Variants in GNA12 observed in about 807,000 individuals in gnomAD.
GNA12 encodes the protein guanine nucleotide-binding protein subunit alpha-12.
In GNA12, 9 loss-of-function variants were observed where a neutral mutation model predicts 26.0. The ratio of observed to expected loss-of-function variants is 0.35; its 90% CI spans 0.21 to 0.60. GNA12 has a LOEUF of 0.60. Ranked by LOEUF, GNA12 falls within the 20% of genes least tolerant of loss-of-function variation. The pLI is 0.78. For missense variants in GNA12, 405 were observed against 525.8 expected (o/e 0.77, Z 2.25); for synonymous variants, 264 against 219.6 (o/e 1.20, Z -1.79).
chr7:2,784,740 C>T (rs919789501), intron 2 of GNA12, among the ~76,000 whole-genome samples: 3 of 152,114 alleles, frequency 2.0e-5, no homozygotes, highest in Non-Finnish European at 4.4e-5. Context: ...TGTACTGATT[C>T]GCAAGCGCCC....
intron 2 of GNA12, among the ~76,000 whole-genome samples, chr7:2,790,312 C>T (rs957318911): frequency 1.3e-5 from 2 of 152,196 alleles, no homozygotes; most frequent in East Asian, 1.9e-4. Flanking sequence ...AGTGCAGTGG[C>T]GCGATCTCAG....
At chr7:2,842,664 G>A (rs920691559) in intron 1 of GNA12, among the ~76,000 whole-genome samples, 4 of 152,222 alleles carry the variant, frequency 2.6e-5, no homozygotes, top group Non-Finnish European at 5.9e-5. Context: ...GGAGAATCTG[G>A]AGATTCATTG....
intron 2 of GNA12, chr7:2,762,373 T>C: frequency 2.3e-6 from 1 of 437,640 alleles, no homozygotes; most frequent in South Asian, 5.0e-5. Flanking sequence ...AGACACGGTA[T>C]GGCGGTTCCC....
chr7:2,734,134 C>T (rs188821792), intron 2 of GNA12, among the ~76,000 whole-genome samples: 18 of 152,288 alleles, frequency 1.2e-4, no homozygotes, highest in Admixed American at 5.2e-4. Context: ...CAATCTGAGA[C>T]GTGTTCCATA....
intron 2 of GNA12, among the ~76,000 whole-genome samples, chr7:2,780,878 T>G (rs1421298281): frequency 1.3e-5 from 2 of 152,276 alleles, no homozygotes; most frequent in African/African-American, 4.8e-5. Context: ...GGATTGGGAT[T>G]ACTGAGCCAC....
chr7:2,828,635 G>A (rs1793535965), intron 1 of GNA12, among the ~76,000 whole-genome samples: 1 of 152,186 alleles, frequency 6.6e-6, no homozygotes, highest in African/African-American at 2.4e-5. Flanking sequence ...AGGACGCTAC[G>A]TTAAAACACC....
At chr7:2,834,054 CCT>C (rs1226073712) in intron 1 of GNA12, among the ~76,000 whole-genome samples, 1 of 152,232 alleles carries the variant, frequency 6.6e-6, no homozygotes, top group Non-Finnish European at 1.5e-5. Context: ...CAAACACTCC[CCT>C]GAAACCCTAC....
chr7:2,805,315 G>A lies in GNA12; in HGVS notation c.310-10172C>T, dbSNP rs564282032. The stretch of plus-strand genomic sequence containing the variant: ...TAGTCTTTATAAATAACTCTGCGAG[G>A]AATAGCATTATGCCCATTTTACAAA... On this transcript the variant is annotated intron_variant, in intron 1 of 3. Transcript: ENST00000275364. Among the ~76,000 whole-genome samples, 8 of 152,338 alleles carry A rather than the reference G, an allele frequency of 5.3e-5. No homozygotes were observed. The East Asian group carries it at 1.5e-3, about 29-fold the overall frequency.
intron 2 of GNA12, among the ~76,000 whole-genome samples, chr7:2,736,535 G>A (rs1790185914): frequency 6.6e-6 from 1 of 152,220 alleles, no homozygotes; most frequent in Admixed American, 6.5e-5. Context: ...TGAAAGAGGG[G>A]TTGTCTGTTT....
intron 2 of GNA12, among the ~76,000 whole-genome samples, chr7:2,774,550 G>A (rs1240585011): frequency 1.3e-5 from 2 of 152,232 alleles, no homozygotes; most frequent in Non-Finnish European, 2.9e-5. Flanking sequence ...TGACAGAGAG[G>A]AGGGGAGCAG....
intron 2 of GNA12, among the ~76,000 whole-genome samples, chr7:2,791,119 ATTTT>A (rs1792507153): frequency 6.6e-6 from 1 of 152,228 alleles, no homozygotes; most frequent in Non-Finnish European, 1.5e-5. Flanking sequence ...AAAATGCTAA[ATTTT>A]ATTTTATTAA....
intron 2 of GNA12, among the ~76,000 whole-genome samples, chr7:2,742,364 T>C (rs559390912): frequency 1.3e-5 from 2 of 151,886 alleles, no homozygotes; most frequent in South Asian, 2.1e-4. Flanking sequence ...GCCCTTGGGG[T>C]TTTTGCGATG....
chr7:2,787,644 G>A (rs535344378), intron 2 of GNA12, among the ~76,000 whole-genome samples: 1 of 152,344 alleles, frequency 6.6e-6, no homozygotes, highest in East Asian at 1.9e-4. Flanking sequence ...AAACAAGATA[G>A]GCTGAAGGCC....
intron 2 of GNA12, among the ~76,000 whole-genome samples, chr7:2,734,273 A>G (rs946665289): frequency 4.6e-5 from 7 of 152,218 alleles, no homozygotes; most frequent in Admixed American, 3.9e-4. Context: ...CAGCCCGCAT[A>G]TGAACAGGCA....
chr7:2,794,634 T>TA (rs969846743), intron 2 of GNA12: 143 of 387,542 alleles, frequency 3.7e-4, no homozygotes, highest in African/African-American at 1.7e-3. Flanking sequence ...ACAAGATCTC[T>TA]AAAAAAAACT....
chr7:2,757,664 G>C (rs1201010157), intron 2 of GNA12, among the ~76,000 whole-genome samples: 1 of 152,312 alleles, frequency 6.6e-6, no homozygotes, highest in Non-Finnish European at 1.5e-5. Context: ...GCCGTTTTAA[G>C]TTGCTAATTG....
At position 2,799,224 on chromosome 7, in the gene GNA12, G is replaced by C. The variant is rs142266231; in HGVS notation, c.310-4081C>G. On this transcript the variant is annotated intron_variant, in intron 1 of 3. Coordinates refer to ENST00000275364, the MANE Select transcript of GNA12 (RefSeq NM_007353.3). ...AGCTATGAACTGGGAGAAAATATTTGCCAACCACACATCTGCCATATCTGA... is the reference window on the plus strand; with the variant it reads ...AGCTATGAACTGGGAGAAAATATTTCCCAACCACACATCTGCCATATCTGA... 6.2e-3 allele frequency among the ~76,000 whole-genome samples: 951 copies of C among 152,254 alleles called. 6 individuals are homozygous for C. Among genetic ancestry groups the C allele is most frequent in the African/African-American group, 0.022 (914 of 41,534 alleles).
chr7:2,825,208 CAG>C (rs1793456292), intron 1 of GNA12, among the ~76,000 whole-genome samples: 2 of 152,220 alleles, frequency 1.3e-5, no homozygotes, highest in African/African-American at 4.8e-5. Context: ...AGAAACAAGA[CAG>C]AAGGAATCCT....
chr7:2,808,916 C>T (rs1793013076), intron 1 of GNA12, among the ~76,000 whole-genome samples: 1 of 152,222 alleles, frequency 6.6e-6, no homozygotes, highest in African/African-American at 2.4e-5. Context: ...TCACTTCTGC[C>T]TCAGGCCTTT....
Sources: allele counts gnomAD v4.1 joint callset (sites outside exome capture counted in the v4.1 genomes callset), GRCh38; gene constraint gnomAD v4.1.1; transcripts MANE v1.5; gene names NCBI Gene and HGNC (gene_info 2026-07-23, HGNC 2026-07-21).